The following GRM5 variants were observed in gnomAD, a reference collection of about 807,000 sequenced individuals.
GRM5 encodes the protein metabotropic glutamate receptor 5.
In GRM5, 19 loss-of-function variants were observed where a neutral mutation model predicts 83.1. The ratio of observed to expected loss-of-function variants is 0.23; its 90% CI spans 0.16 to 0.34. GRM5 has a LOEUF of 0.34. Among genes scored for constraint, GRM5 ranks in the 10% least tolerant of loss-of-function variants. The probability of loss-of-function intolerance (pLI) is 1.00; values close to 1 mark genes in which losing one functional copy is unlikely to be tolerated. For synonymous variants in GRM5, 675 were observed against 633.6 expected, an observed-to-expected ratio of 1.07 and a Z score of -0.98; for missense variants, 1,160 against 1,588.3, an observed-to-expected ratio of 0.73 and a Z score of 4.58.
At chr11:88,990,701 G>A (rs1183798590) in intron 2 of GRM5, among the ~76,000 whole-genome samples, 1 of 150,990 alleles carries the variant, frequency 6.6e-6, no homozygotes, top group Non-Finnish European at 1.5e-5. Context: ...TGCAAGGCTG[G>A]TTCAATATAC....
intron 3 of GRM5, among the ~76,000 whole-genome samples, chr11:88,672,720 C>A (rs910961957): frequency 9.9e-5 from 15 of 151,688 alleles, no homozygotes; most frequent in Non-Finnish European, 2.2e-4. Flanking sequence ...AATTCTAGGC[C>A]ATATTTATAT....
intron 2 of GRM5, among the ~76,000 whole-genome samples, chr11:88,943,346 G>C (rs1251026407): frequency 6.6e-6 from 1 of 151,956 alleles, no homozygotes; most frequent in Non-Finnish European, 1.5e-5. Context: ...CTATACATTA[G>C]CTTCACAATT....
At chr11:88,863,395 A>G (rs1453828704) in intron 2 of GRM5, among the ~76,000 whole-genome samples, 1 of 152,180 alleles carries the variant, frequency 6.6e-6, no homozygotes, top group Admixed American at 6.6e-5. Context: ...ATTTAAAAAA[A>G]AATGATACAT....
chr11:88,552,158 G>T lies in GRM5; in HGVS notation c.2630+14895C>A, dbSNP rs115623305. ...TCCCACCTCAGCCTCCTGAGTAACT[G>T]GTATGATAGCTGTCTGTCACCACAT... On this transcript the variant is annotated intron_variant, in intron 8 of 9. Coordinates refer to ENST00000305447, the MANE Select transcript of GRM5 (RefSeq NM_001143831.3). Among the ~76,000 whole-genome samples, 1,279 of 151,746 alleles carry T rather than the reference G, an allele frequency of 8.4e-3. 20 individuals are homozygous for T. The highest frequency in any genetic ancestry group is 0.03 in the African/African-American group (1,226 of 41,352).
intron 2 of GRM5, among the ~76,000 whole-genome samples, chr11:88,947,287 T>G (rs1171057792): frequency 6.6e-6 from 1 of 152,152 alleles, no homozygotes; most frequent in Admixed American, 6.6e-5. Context: ...TATTTTGGTA[T>G]GCTCATTTTT....
intron 7 of GRM5, among the ~76,000 whole-genome samples, chr11:88,584,237 C>G (rs920024299): frequency 8.0e-5 from 12 of 150,908 alleles, no homozygotes; most frequent in African/African-American, 2.9e-4. Context: ...CACACACACA[C>G]ATGCTAAAGC....
intron 3 of GRM5, among the ~76,000 whole-genome samples, chr11:88,740,316 G>T (rs1291184499): frequency 6.6e-6 from 1 of 151,662 alleles, no homozygotes; most frequent in East Asian, 1.9e-4. Context: ...GCTTTCTATT[G>T]CCTCCCTTAT....
chr11:89,023,672 CG>C (rs1941047750), intron 2 of GRM5, among the ~76,000 whole-genome samples: 1 of 151,314 alleles, frequency 6.6e-6, no homozygotes, highest in South Asian at 2.1e-4. Context: ...AGCGAAACCC[CG>C]TCTCTACTAA....
intron 4 of GRM5, among the ~76,000 whole-genome samples, chr11:88,623,225 A>T (rs2135259544): frequency 6.6e-6 from 1 of 152,274 alleles, no homozygotes; most frequent in Middle Eastern, 3.4e-3. Context: ...AGCTGGGATT[A>T]TAGCTGCCCA....
intron 4 of GRM5, among the ~76,000 whole-genome samples, chr11:88,612,000 G>T (rs568946235): frequency 6.6e-6 from 1 of 150,758 alleles, no homozygotes; most frequent in Non-Finnish European, 1.5e-5. Context: ...AAGTTTTAGG[G>T]TACATGTGCA....
intron 3 of GRM5, among the ~76,000 whole-genome samples, chr11:88,780,051 A>C (rs1942942677): frequency 3.3e-5 from 5 of 152,162 alleles, no homozygotes; most frequent in Admixed American, 3.3e-4. Context: ...CTAATTTTTC[A>C]GATCTCAACT....
chr11:88,620,559 G>A (rs1030538888), intron 4 of GRM5, among the ~76,000 whole-genome samples: 5 of 152,158 alleles, frequency 3.3e-5, no homozygotes, highest in African/African-American at 9.7e-5. Context: ...TTGTAATGAA[G>A]GTGCAGGTAG....
At chr11:88,734,867 T>G (rs908924146) in intron 3 of GRM5, among the ~76,000 whole-genome samples, 3 of 151,918 alleles carry the variant, frequency 2.0e-5, no homozygotes, top group Non-Finnish European at 4.4e-5. Context: ...AGAGATGGAG[T>G]CAACAATATT....
At chr11:88,831,413 C>A (rs989831670) in intron 3 of GRM5, among the ~76,000 whole-genome samples, 9 of 152,346 alleles carry the variant, frequency 5.9e-5, no homozygotes, top group South Asian at 2.1e-4. Context: ...GAAAGCAACT[C>A]CACCATTCCC....
chr11:89,015,450 G>A (rs577722368), intron 2 of GRM5, among the ~76,000 whole-genome samples: 74 of 152,232 alleles, frequency 4.9e-4, no homozygotes, highest in African/African-American at 1.8e-3. Context: ...GAAATCAATG[G>A]GTGTCTGTTG....
chr11:89,038,723 G>T (rs1190106696), intron 2 of GRM5, among the ~76,000 whole-genome samples: 1 of 152,148 alleles, frequency 6.6e-6, no homozygotes, highest in Non-Finnish European at 1.5e-5. Context: ...AACAAGTAGG[G>T]TTTTTTGTTT....
chr11:88,947,090 CAT>C (rs1294749843), intron 2 of GRM5, among the ~76,000 whole-genome samples: 1 of 151,956 alleles, frequency 6.6e-6, no homozygotes, highest in African/African-American at 2.4e-5. Context: ...AACTAGGAAA[CAT>C]ATTAGAGACC....
chr11:88,987,436 G>A (rs1591023111), intron 2 of GRM5, among the ~76,000 whole-genome samples: 1 of 151,894 alleles, frequency 6.6e-6, no homozygotes, highest in African/African-American at 2.4e-5. Context: ...TTGGGGGAGG[G>A]GCGCCCGCCA....
At chr11:88,573,874 A>G (rs1943054483) in intron 7 of GRM5, among the ~76,000 whole-genome samples, 1 of 152,192 alleles carries the variant, frequency 6.6e-6, no homozygotes, top group African/African-American at 2.4e-5. Flanking sequence ...GGTGATACAG[A>G]ATCAGAATTC....
Sources: gnomAD v4.1 joint callset for allele counts (sites outside exome capture counted in the v4.1 genomes callset) on GRCh38, gnomAD v4.1.1 for gene constraint, MANE v1.5 for transcripts, NCBI Gene and HGNC (gene_info 2026-07-23, HGNC 2026-07-21) for gene names.